PRKDC: variants seen among roughly 807,000 people sequenced by gnomAD.
The protein encoded by PRKDC is DNA-dependent protein kinase catalytic subunit.
In PRKDC, 82 loss-of-function variants were observed where a neutral mutation model predicts 486.9. That is an observed-to-expected ratio of 0.17 (90% CI 0.14 to 0.20). The LOEUF is 0.20. Among genes scored for constraint, PRKDC ranks in the 10% least tolerant of loss-of-function variants. The probability of loss-of-function intolerance (pLI) is 1.00; values close to 1 mark genes in which losing one functional copy is unlikely to be tolerated. For missense variants in PRKDC, 4,504 were observed against 5,038.2 expected, an observed-to-expected ratio of 0.89 and a Z score of 3.21; for synonymous variants, 1,895 against 1,837.0, an observed-to-expected ratio of 1.03 and a Z score of -0.81.
At position 47,888,645 on chromosome 8, in the gene PRKDC, T is replaced by G. The variant is rs777220720; in HGVS notation, c.4286A>C (p.Glu1429Ala). ...ATACAAGTTGACGGCACAAAGCTCC[T>G]CAATGCTGGCCATGTGACAAAACAG... ...LREKITAQSI[E>A]ELCAVNLYGP... The change falls in exon 34 of 86, where the codon GAG (glutamate) becomes GCG (alanine). Residue 1429 changes from glutamate (E) to alanine (A), a missense_variant. Transcript: ENST00000314191. 1.3e-6 allele frequency: 2 copies of G among 1,584,638 alleles called. No homozygotes were observed. The highest frequency in any genetic ancestry group is 1.7e-6 in the Non-Finnish European group (2 of 1,166,294).
Position 47,861,996 on chromosome 8 carries a change from T to G in PRKDC, c.5985+66A>C, listed in dbSNP as rs1202328235. 1.1e-5 allele frequency: 14 copies of G among 1,286,486 alleles called. No homozygotes were observed. The East Asian group carries it at 3.3e-4, about 31-fold the overall frequency. The allele number at this position is 1,286,486 out of a possible 1,614,324, so 79.7% of individuals were successfully genotyped here. A position where few individuals can be genotyped will look rare whatever the true frequency, so the allele number is the denominator to read the frequency against. ...TTGAATATTGGCAACTTAACGTGTT[T>G]GACATAATATGGTTTTCTTTGTGAG... On this transcript the variant is annotated intron_variant, in intron 44 of 85. Coordinates refer to ENST00000314191, the MANE Select transcript of PRKDC (RefSeq NM_006904.7).
chr8:47,957,952 C>G (rs182792535), intron 1 of PRKDC, among the ~76,000 whole-genome samples: 1 of 152,356 alleles, frequency 6.6e-6, no homozygotes, highest in Admixed American at 6.5e-5. Context: ...AAGATGCCTG[C>G]ATCCCAATCC....
In PRKDC at chr8:47,892,191, T is replaced by C. The variant is rs1045969905; in HGVS notation, c.3847+948A>G. 3.3e-5 allele frequency among the ~76,000 whole-genome samples: 5 copies of C among 152,172 alleles called. No individual in the cohort carries two copies. The East Asian group carries it at 9.7e-4, about 29-fold the overall frequency. ...GGCCATGAACAAGTTTTTTTAATACTAAAATCTATACGTACAAAAATAAAA... is the reference window on the plus strand; with the variant it reads ...GGCCATGAACAAGTTTTTTTAATACCAAAATCTATACGTACAAAAATAAAA... On this transcript the variant is annotated intron_variant, in intron 31 of 85. Coordinates refer to ENST00000314191, the MANE Select transcript of PRKDC (RefSeq NM_006904.7).
intron 36 of PRKDC, among the ~76,000 whole-genome samples, chr8:47,883,879 G>A (rs1043064536): frequency 3.9e-5 from 6 of 152,218 alleles, no homozygotes; most frequent in Admixed American, 6.5e-5. Context: ...CTGGGCTGCC[G>A]GCTCACAGGT....
At chr8:47,817,124 C>T (rs780089805) in intron 68 of PRKDC, among the ~76,000 whole-genome samples, 3 of 152,172 alleles carry the variant, frequency 2.0e-5, no homozygotes, top group Non-Finnish European at 2.9e-5. Context: ...ATTATGTAGT[C>T]GTCTTCTTTG....
At chr8:47,798,495 T>C in intron 72 of PRKDC, 98 bp from the exon 73 acceptor site, 1 of 1,273,032 alleles carries the variant, frequency 7.9e-7, no homozygotes, top group Admixed American at 2.9e-5. Context: ...TGGCTTGTAT[T>C]TTGTAGTGTC....
chr8:47,869,691 G>C (rs2088903658), intron 40 of PRKDC, among the ~76,000 whole-genome samples: 1 of 152,012 alleles, frequency 6.6e-6, no homozygotes, highest in Admixed American at 6.6e-5. Flanking sequence ...TGCAACATGG[G>C]CACCAGCTTG....
chr8:47,950,798 C>T (rs779069392), intron 7 of PRKDC, among the ~76,000 whole-genome samples: 9 of 151,684 alleles, frequency 5.9e-5, no homozygotes, highest in Non-Finnish European at 1.0e-4. Flanking sequence ...GCCTGGGCAA[C>T]ACAGCGAGAC....
Position 47,854,085 on chromosome 8 carries a change from G to A in PRKDC, c.6891C>T (p.Ser2297=), listed in dbSNP as rs748115524. The A allele has an allele frequency of 2.5e-6, 4 of 1,613,626 alleles. No homozygotes were observed. Among genetic ancestry groups the A allele is most frequent in the Admixed American group, 1.7e-5 (1 of 59,962 alleles). The change falls in exon 51 of 86, where the codon AGC becomes AGT. Residue 2297 remains serine, a splice_region_variant and synonymous_variant. Coordinates refer to ENST00000314191, the MANE Select transcript of PRKDC (RefSeq NM_006904.7). ...AAAATAATCAAGCAAACACGTACTCGCTACTCTGGATGCCACACTGTGGGT... is the reference window on the plus strand; with the variant it reads ...AAAATAATCAAGCAAACACGTACTCACTACTCTGGATGCCACACTGTGGGT... ...PYDPQCGIQS[S]EYFQALVNNM...
intron 63 of PRKDC, among the ~76,000 whole-genome samples, chr8:47,825,553 G>A (rs1020151608): frequency 7.2e-6 from 1 of 139,414 alleles, no homozygotes; most frequent in East Asian, 2.1e-4. Flanking sequence ...TGTTCACAAT[G>A]CTCTGCAAGG....
chr8:47,906,675 A>G (rs2089788596), intron 25 of PRKDC, among the ~76,000 whole-genome samples: 1 of 151,180 alleles, frequency 6.6e-6, no homozygotes, highest in Non-Finnish European at 1.5e-5. Flanking sequence ...AACACTCCCT[A>G]CACTGATATC....
At chr8:47,832,631 G>A (rs1412717424) in intron 59 of PRKDC, among the ~76,000 whole-genome samples, 1 of 152,084 alleles carries the variant, frequency 6.6e-6, no homozygotes, top group Non-Finnish European at 1.5e-5. Context: ...CCAGAAAAGA[G>A]GAAAAGGAAA....
intron 54 of PRKDC, among the ~76,000 whole-genome samples, chr8:47,845,598 AAAACAAACAAAC>A (rs535986915): frequency 2.0e-5 from 3 of 152,032 alleles, no homozygotes; most frequent in African/African-American, 4.8e-5. Flanking sequence ...CCAGAAATTA[AAAACAAACAAAC>A]AAACAAACAA....
chr8:47,942,004 C>T (rs146626497), intron 10 of PRKDC, among the ~76,000 whole-genome samples: 122 of 152,294 alleles, frequency 8.0e-4, no homozygotes, highest in African/African-American at 2.8e-3. Context: ...TGCAGGCCCA[C>T]GCCCCACCCA....
rs147175583 is a variant in PRKDC, at chr8:47,911,520, A to G, written c.2934+890T>C. Among the ~76,000 whole-genome samples the G allele has an allele frequency of 1.8e-4, 28 of 152,330 alleles. No homozygotes were observed. The East Asian group carries it at 5.4e-3, about 29-fold the overall frequency. ...TTTTCACTATGAGCTCTATTTAATC[A>G]CAGTGCATCTGAACATACTGCTGGA... is the stretch of plus-strand genomic sequence containing the variant. On this transcript the variant is annotated intron_variant, in intron 25 of 85. Coordinates refer to ENST00000314191, the MANE Select transcript of PRKDC (RefSeq NM_006904.7).
intron 60 of PRKDC, among the ~76,000 whole-genome samples, chr8:47,831,281 C>T (rs866871168): frequency 3.3e-5 from 5 of 152,342 alleles, no homozygotes; most frequent in East Asian, 1.9e-4. Context: ...TGGATGGAGC[C>T]GCTCCTGTGG....
intron 45 of PRKDC, among the ~76,000 whole-genome samples, chr8:47,860,459 G>GTCAGGGGCCT (rs1338450101): frequency 6.6e-6 from 1 of 152,198 alleles, no homozygotes; most frequent in African/African-American, 2.4e-5. Flanking sequence ...GAGTCGGCAG[G>GTCAGGGGCCT]TCAGGGGCCT....
intron 1 of PRKDC, among the ~76,000 whole-genome samples, chr8:47,959,632 T>G (rs2090777394): frequency 6.6e-6 from 1 of 151,006 alleles, no homozygotes; most frequent in Non-Finnish European, 1.5e-5. Flanking sequence ...TGAGCCGAGA[T>G]CGCGCCACTT....
At chr8:47,957,128 A>T in intron 3 of PRKDC, 43 bp downstream of exon 3, 4 of 1,280,052 alleles carry the variant, frequency 3.1e-6, no homozygotes, top group Non-Finnish European at 4.4e-6. Context: ...GTTAAAACAG[A>T]TGTTGATATA....
Sources: allele counts gnomAD v4.1 joint callset (sites outside exome capture counted in the v4.1 genomes callset), GRCh38; gene constraint gnomAD v4.1.1; transcripts MANE v1.5; gene names NCBI Gene and HGNC (gene_info 2026-07-23, HGNC 2026-07-21).